SETBP1: variants seen among roughly 807,000 people sequenced by gnomAD.
SETBP1 encodes SET binding protein 1.
A neutral mutation model predicts 101.0 loss-of-function variants in SETBP1; 9 were observed. The observed-to-expected ratio is 0.09, with a 90% CI of 0.05 to 0.16. The LOEUF (loss-of-function observed/expected upper bound fraction) is 0.16, where lower values mean the gene tolerates loss of function less well. Ranked by LOEUF, SETBP1 falls within the 10% of genes least tolerant of loss-of-function variation. The pLI is 1.00. For synonymous variants in SETBP1, 818 were observed against 788.5 expected (o/e 1.04, Z -0.63); for missense variants, 1,858 against 2,033.8 (o/e 0.91, Z 1.66).
intron 3 of SETBP1, among the ~76,000 whole-genome samples, chr18:44,934,770 TGGACTCA>T (rs2070921435): frequency 1.3e-5 from 2 of 152,204 alleles, no homozygotes; most frequent in Non-Finnish European, 2.9e-5. Flanking sequence ...TAGTAATATT[TGGACTCA>T]GCTCAGATTT....
chr18:44,966,846 A>G (rs2145174370), intron 4 of SETBP1, among the ~76,000 whole-genome samples: 1 of 152,350 alleles, frequency 6.6e-6, no homozygotes, highest in South Asian at 2.1e-4. Flanking sequence ...AGGCTCTTAG[A>G]TGTCCCTTTC....
intron 2 of SETBP1, among the ~76,000 whole-genome samples, chr18:44,722,595 C>T (rs2069623995): frequency 6.6e-6 from 1 of 152,220 alleles, no homozygotes; most frequent in Non-Finnish European, 1.5e-5. Flanking sequence ...GGTGCTGCAG[C>T]TGTCTAAAGG....
chr18:44,792,572 G>T (rs1275469858), intron 2 of SETBP1, among the ~76,000 whole-genome samples: 2 of 152,168 alleles, frequency 1.3e-5, no homozygotes, highest in African/African-American at 4.8e-5. Flanking sequence ...CCACCGCCTG[G>T]AGTACCTGGA....
At chr18:45,045,165 C>A (rs529547369) in intron 5 of SETBP1, among the ~76,000 whole-genome samples, 128 of 152,132 alleles carry the variant, frequency 8.4e-4, no homozygotes, top group Admixed American at 2.0e-3. Context: ...TGGCTCACAC[C>A]TGTAATCCCA....
At chr18:45,045,296 C>A (rs1194335075) in intron 5 of SETBP1, among the ~76,000 whole-genome samples, 1 of 152,038 alleles carries the variant, frequency 6.6e-6, no homozygotes, top group African/African-American at 2.4e-5. Context: ...GTGGCGGGCA[C>A]CTATAATACC....
At chr18:44,840,633 G>A (rs1382074113) in intron 2 of SETBP1, among the ~76,000 whole-genome samples, 7 of 152,202 alleles carry the variant, frequency 4.6e-5, no homozygotes, top group Non-Finnish European at 1.0e-4. Flanking sequence ...CAGTGTCCAG[G>A]CATCTGGAGT....
intron 2 of SETBP1, among the ~76,000 whole-genome samples, chr18:44,774,620 G>A (rs2070953811): frequency 6.6e-6 from 1 of 152,144 alleles, no homozygotes; most frequent in South Asian, 2.1e-4. Context: ...TGGATAGGGT[G>A]CGAGCACATG....
chr18:44,748,644 G>A (rs1385946734), intron 2 of SETBP1, among the ~76,000 whole-genome samples: 1 of 151,882 alleles, frequency 6.6e-6, no homozygotes, highest in African/African-American at 2.4e-5. Flanking sequence ...GGCACCATGT[G>A]CGTGCTTGTG....
At chr18:44,687,006 C>T (rs1401827919) in intron 1 of SETBP1, among the ~76,000 whole-genome samples, 1 of 152,130 alleles carries the variant, frequency 6.6e-6, no homozygotes, top group African/African-American at 2.4e-5. Flanking sequence ...GTCCATCTTG[C>T]TCATTTTGGC....
chr18:44,857,460 C>A (rs181620333), intron 2 of SETBP1, among the ~76,000 whole-genome samples: 1 of 152,156 alleles, frequency 6.6e-6, no homozygotes, highest in African/African-American at 2.4e-5. Context: ...TATTAAGGGT[C>A]TGCAGGGATA....
At chr18:44,740,344 C>T (rs2070068745) in intron 2 of SETBP1, among the ~76,000 whole-genome samples, 1 of 152,156 alleles carries the variant, frequency 6.6e-6, no homozygotes, top group Non-Finnish European at 1.5e-5. Context: ...GGGGAGGAGA[C>T]AGCAAGAAAG....
At chr18:44,766,991 T>C (rs9807656) in intron 2 of SETBP1, among the ~76,000 whole-genome samples, 19,119 of 152,222 alleles carry the variant, frequency 0.13, 1,332 homozygotes, top group South Asian at 0.2. Flanking sequence ...TAAGACCCCA[T>C]GAAGGTCTGT....
chr18:44,966,561 A>T (rs1452811882), intron 4 of SETBP1, among the ~76,000 whole-genome samples: 1 of 152,078 alleles, frequency 6.6e-6, no homozygotes, highest in Non-Finnish European at 1.5e-5. Context: ...ATCAAATTTG[A>T]GTTGTAGGAG....
At chr18:44,729,289 C>G (rs1406714490) in intron 2 of SETBP1, among the ~76,000 whole-genome samples, 2 of 152,184 alleles carry the variant, frequency 1.3e-5, no homozygotes, top group Non-Finnish European at 2.9e-5. Flanking sequence ...GAGAACCATG[C>G]AGTGAGCAGA....
chr18:44,741,123 T>C (rs2070087565), intron 2 of SETBP1, among the ~76,000 whole-genome samples: 1 of 152,224 alleles, frequency 6.6e-6, no homozygotes, highest in Non-Finnish European at 1.5e-5. Flanking sequence ...TATATTTTCA[T>C]TCATTCAGTG....
At chr18:45,045,899 T>A (rs189561632) in intron 5 of SETBP1, among the ~76,000 whole-genome samples, 36 of 152,152 alleles carry the variant, frequency 2.4e-4, no homozygotes, top group Admixed American at 2.2e-3. Context: ...TTTTTTATCT[T>A]TTTCCCCCTT....
At chr18:44,688,905 T>C (rs1051818586) in intron 1 of SETBP1, among the ~76,000 whole-genome samples, 3 of 152,252 alleles carry the variant, frequency 2.0e-5, no homozygotes, top group Non-Finnish European at 4.4e-5. Context: ...AATATCAGCA[T>C]TGCAGATTGT....
chr18:44,864,093 C>G (rs1472725146), intron 2 of SETBP1, among the ~76,000 whole-genome samples: 1 of 152,074 alleles, frequency 6.6e-6, no homozygotes, highest in African/African-American at 2.4e-5. Flanking sequence ...GACGTTTGTT[C>G]CTGGGGCAGG....
chr18:45,058,106 G>C (rs1380306040), intron 5 of SETBP1, among the ~76,000 whole-genome samples: 1 of 152,152 alleles, frequency 6.6e-6, no homozygotes, highest in African/African-American at 2.4e-5. Context: ...TTGTATTGCC[G>C]AGTTATGAAG....
Sources: allele counts gnomAD v4.1 joint callset (sites outside exome capture counted in the v4.1 genomes callset), GRCh38; gene constraint gnomAD v4.1.1; transcripts MANE v1.5; gene names NCBI Gene and HGNC (gene_info 2026-07-23, HGNC 2026-07-21).